The following TTLL11 variants were observed in gnomAD, a reference collection of about 807,000 sequenced individuals.
TTLL11 encodes tubulin polyglutamylase TTLL11.
A neutral mutation model predicts 51.7 loss-of-function variants in TTLL11; 42 were observed. The observed-to-expected ratio is 0.81, with a 90% CI of 0.64 to 1.05. The LOEUF (loss-of-function observed/expected upper bound fraction) is 1.05, where lower values mean the gene tolerates loss of function less well. TTLL11 is among the 50% of genes least tolerant of loss of function. The pLI, the probability that TTLL11 is intolerant of heterozygous loss-of-function variation, is 0.00. For missense variants in TTLL11, 799 were observed against 940.4 expected, an observed-to-expected ratio of 0.85 and a Z score of 1.97; for synonymous variants, 381 against 383.5, an observed-to-expected ratio of 0.99 and a Z score of 0.08.
At chr9:122,033,037 G>C (rs544238079) in intron 2 of TTLL11, among the ~76,000 whole-genome samples, 1 of 152,242 alleles carries the variant, frequency 6.6e-6, no homozygotes, top group South Asian at 2.1e-4. Flanking sequence ...CTAGGCTCAA[G>C]CCATCCACCT....
At chr9:121,952,897 G>A (rs2131605928) in intron 6 of TTLL11, among the ~76,000 whole-genome samples, 1 of 152,196 alleles carries the variant, frequency 6.6e-6, no homozygotes, top group South Asian at 2.1e-4. Flanking sequence ...TCATAATGAA[G>A]GTGATATTTT....
At chr9:121,973,960 G>A (rs767970214) in intron 6 of TTLL11, 49 bp downstream of exon 6, 1 of 1,424,082 alleles carries the variant, frequency 7.0e-7, no homozygotes, top group South Asian at 1.2e-5. Context: ...TACGAAGCCG[G>A]GTTAGGAGGC....
Position 121,888,539 on chromosome 9 carries a change from C to T in TTLL11, c.1482-17791G>A, listed in dbSNP as rs141054979. On this transcript the variant is annotated intron_variant, in intron 6 of 8. Coordinates refer to ENST00000321582, the MANE Select transcript of TTLL11 (RefSeq NM_001139442.2). ...TGACTCATTTCTGACTCTCCAGCAACAGCATGGGGCCAGGCCCGGAGCAGG... is the reference window on the plus strand; with the variant it reads ...TGACTCATTTCTGACTCTCCAGCAATAGCATGGGGCCAGGCCCGGAGCAGG... 2.7e-3 allele frequency among the ~76,000 whole-genome samples: 416 copies of T among 152,324 alleles called. 4 individuals are homozygous for T. The highest frequency in any genetic ancestry group is 9.5e-3 in the African/African-American group (395 of 41,572).
intron 8 of TTLL11, among the ~76,000 whole-genome samples, chr9:121,848,408 C>A (rs1473466136): frequency 6.6e-6 from 1 of 151,802 alleles, no homozygotes; most frequent in African/African-American, 2.4e-5. Flanking sequence ...ATAGCTAATG[C>A]AGTAAGACAA....
chr9:121,980,041 C>G (rs1369878018), intron 4 of TTLL11, among the ~76,000 whole-genome samples: 1 of 151,500 alleles, frequency 6.6e-6, no homozygotes, highest in Non-Finnish European at 1.5e-5. Flanking sequence ...TAAAACAAAA[C>G]TCCTACCCCC....
intron 6 of TTLL11, among the ~76,000 whole-genome samples, chr9:121,928,292 T>C (rs1840821063): frequency 6.6e-6 from 1 of 152,194 alleles, no homozygotes; most frequent in Non-Finnish European, 1.5e-5. Context: ...ATTGTTATAT[T>C]AAAAACTGCA....
rs187969247 is a variant in TTLL11, at chr9:122,002,299, C to T, written c.694-12529G>A. ...CCTCTCTTTGGGGAAACAGATGCCCCGACTGCTCTTCCAAATTTACTTTCC... is the reference window on the plus strand; with the variant it reads ...CCTCTCTTTGGGGAAACAGATGCCCTGACTGCTCTTCCAAATTTACTTTCC... On this transcript the variant is annotated intron_variant, in intron 3 of 8. Transcript: ENST00000321582. 5.3e-5 allele frequency among the ~76,000 whole-genome samples: 8 copies of T among 152,302 alleles called. No homozygotes were observed. The East Asian group carries it at 5.8e-4, about 11-fold the overall frequency.
intron 1 of TTLL11, among the ~76,000 whole-genome samples, chr9:122,056,922 C>G (rs1845303353): frequency 6.6e-6 from 1 of 152,152 alleles, no homozygotes; most frequent in African/African-American, 2.4e-5. Flanking sequence ...CCCACAGGAA[C>G]TGGAAATTCA....
intron 5 of TTLL11, 50 bp from the exon 6 acceptor site, chr9:121,974,174 C>T: frequency 7.1e-7 from 1 of 1,413,050 alleles, no homozygotes; most frequent in Non-Finnish European, 9.7e-7. Flanking sequence ...GATTCCGTGC[C>T]AAGTGGCTAT....
intron 1 of TTLL11, among the ~76,000 whole-genome samples, chr9:122,092,360 C>T (rs762217478): frequency 1.6e-4 from 24 of 152,028 alleles, no homozygotes; most frequent in Non-Finnish European, 2.6e-4. Context: ...GCCCCAGGGG[C>T]TTACAAGCTG....
intron 6 of TTLL11, among the ~76,000 whole-genome samples, chr9:121,932,844 C>T (rs1391979906): frequency 6.6e-6 from 1 of 152,094 alleles, no homozygotes; most frequent in African/African-American, 2.4e-5. Context: ...AAAATAAGCA[C>T]ACATCTCAGC....
chr9:121,986,548 T>G (rs1301684386), intron 4 of TTLL11, among the ~76,000 whole-genome samples: 3 of 152,164 alleles, frequency 2.0e-5, no homozygotes, highest in Non-Finnish European at 4.4e-5. Flanking sequence ...GCCACCTACC[T>G]GATGGCTGAG....
chr9:121,990,246 C>T (rs1350737373), intron 3 of TTLL11, among the ~76,000 whole-genome samples: 1 of 152,218 alleles, frequency 6.6e-6, no homozygotes, highest in African/African-American at 2.4e-5. Context: ...TTGCTGAGGG[C>T]ATGGGTGTTG....
intron 7 of TTLL11, among the ~76,000 whole-genome samples, chr9:121,862,148 G>A (rs1367997586): frequency 6.6e-6 from 1 of 151,414 alleles, no homozygotes; most frequent in Non-Finnish European, 1.5e-5. Flanking sequence ...CAGCAGGGGT[G>A]TTTAGAATCC....
intron 1 of TTLL11, among the ~76,000 whole-genome samples, chr9:122,084,376 C>T (rs1318088797): frequency 1.3e-5 from 2 of 152,156 alleles, no homozygotes; most frequent in African/African-American, 4.8e-5. Context: ...CCCAGGGAAA[C>T]AAACACGCAT....
chr9:121,823,955 C>T (rs1836664848), intron 8 of TTLL11, among the ~76,000 whole-genome samples: 1 of 152,178 alleles, frequency 6.6e-6, no homozygotes, highest in Non-Finnish European at 1.5e-5. Flanking sequence ...AGGATTCCTG[C>T]ACTTCTCTTT....
At chr9:121,870,213 G>A (rs1038811421) in intron 7 of TTLL11, among the ~76,000 whole-genome samples, 18 of 152,170 alleles carry the variant, frequency 1.2e-4, no homozygotes, top group African/African-American at 3.6e-4. Flanking sequence ...TCCAAGGGGC[G>A]ATTATTAATA....
Position 121,999,793 on chromosome 9 carries a change from A to G in TTLL11, c.694-10023T>C, listed in dbSNP as rs370176968. Among the ~76,000 whole-genome samples the G allele has an allele frequency of 6.0e-4, 92 of 152,288 alleles. 1 individual carries two copies. The Middle Eastern group carries it at 0.01, about 17-fold the overall frequency. On this transcript the variant is annotated intron_variant, in intron 3 of 8. Transcript: ENST00000321582. ...GATTCAACCTCATACTATTATTATT[A>G]CCCACCAGCCCCCATCACAGGCAAG...
At chr9:122,003,586 G>C (rs1300285868) in intron 3 of TTLL11, among the ~76,000 whole-genome samples, 1 of 147,960 alleles carries the variant, frequency 6.8e-6, no homozygotes, top group Non-Finnish European at 1.5e-5. Flanking sequence ...CCAGGTTCAA[G>C]CGATTCTCCT....
Sources: gnomAD v4.1 joint callset for allele counts (sites outside exome capture counted in the v4.1 genomes callset) on GRCh38, gnomAD v4.1.1 for gene constraint, MANE v1.5 for transcripts, NCBI Gene and HGNC (gene_info 2026-07-23, HGNC 2026-07-21) for gene names.